The following ATP2C2 variants were observed in gnomAD, a reference collection of about 807,000 sequenced individuals.
ATP2C2 encodes ATPase secretory pathway Ca2+ transporting 2.
Under a neutral mutation model 110.8 loss-of-function variants are expected in ATP2C2, and 171 were observed. The ratio of observed to expected loss-of-function variants is 1.54; its 90% CI spans 1.36 to 1.75. The LOEUF is 1.75. Ranked by LOEUF, ATP2C2 falls within the 40% of genes most tolerant of loss-of-function variation. The pLI, the probability that ATP2C2 is intolerant of heterozygous loss-of-function variation, is 0.00. For missense variants in ATP2C2, 1,963 were observed against 1,235.0 expected, an observed-to-expected ratio of 1.59 and a Z score of -8.84; for synonymous variants, 804 against 508.4, an observed-to-expected ratio of 1.58 and a Z score of -7.82.
chr16:84,439,200 A>G lies in ATP2C2; in HGVS notation c.1021A>G (p.Ile341Val), dbSNP rs986836539. 5 of 1,612,130 alleles carry G rather than the reference A, an allele frequency of 3.1e-6. No homozygotes were observed. Among genetic ancestry groups the G allele is most frequent in the African/African-American group, 2.7e-5 (2 of 74,848 alleles). ...AVAAIPEGLP[I>V]VVMVTLVLGV... ...GGCGGCCATTCCAGAGGGTCTGCCC[A>G]TCGTCGTCATGGTGACGCTGGTCCT... Residue 341 changes from isoleucine (I) to valine (V), a missense_variant, in exon 12 of 27, where the codon ATC becomes GTC. Ile to Val is a conservative substitution (Grantham distance 29). Transcript: ENST00000262429.
intron 18 of ATP2C2, 138 bp downstream of exon 18, chr16:84,452,229 G>A (rs1028365088): frequency 8.1e-5 from 86 of 1,062,592 alleles, no homozygotes; most frequent in Non-Finnish European, 1.1e-4. Context: ...AAAAGACGCT[G>A]AGTATTCGTG....
intron 6 of ATP2C2, among the ~76,000 whole-genome samples, chr16:84,412,429 CGT>C (rs796263671): frequency 3.1e-5 from 4 of 128,082 alleles, no homozygotes; most frequent in African/African-American, 8.7e-5. Context: ...TATGTGTGTG[CGT>C]GTGTGTATGC....
At chr16:84,458,840 C>G (rs1299754935) in intron 21 of ATP2C2, among the ~76,000 whole-genome samples, 1 of 152,152 alleles carries the variant, frequency 6.6e-6, no homozygotes, top group Admixed American at 6.6e-5. Context: ...TGGGCTCGGC[C>G]GGAGAGTAAT....
In ATP2C2 at chr16:84,439,423, C is replaced by A. The variant is rs564070721; in HGVS notation, c.1112-4C>A. ...CTTCTATAAACTGGTGTTTGTTGTA[C>A]CAGGTTGCTGCAGCGTTCTCTGTTC... On this transcript the variant is annotated splice_region_variant and splice_polypyrimidine_tract_variant and intron_variant, in intron 12 of 26. Coordinates refer to ENST00000262429, the MANE Select transcript of ATP2C2 (RefSeq NM_014861.4). The A allele has an allele frequency of 6.2e-7, 1 of 1,614,000 alleles. No individual in the cohort carries two copies. Among genetic ancestry groups the A allele is most frequent in the South Asian group, 1.1e-5 (1 of 91,080 alleles).
intron 6 of ATP2C2, 67 bp downstream of exon 6, chr16:84,410,832 A>C (rs901198623): frequency 1.0e-5 from 15 of 1,487,318 alleles, no homozygotes; most frequent in African/African-American, 2.8e-5. Flanking sequence ...GAGTTTGGCA[A>C]ATGTTTGCTG....
At chr16:84,434,983 A>G (rs1203148357) in intron 11 of ATP2C2, among the ~76,000 whole-genome samples, 1 of 152,206 alleles carries the variant, frequency 6.6e-6, no homozygotes, top group Non-Finnish European at 1.5e-5. Flanking sequence ...AAACCAACGA[A>G]GCCTTCTGGC....
chr16:84,421,523 A>G (rs1408146415), intron 7 of ATP2C2, among the ~76,000 whole-genome samples: 2 of 152,120 alleles, frequency 1.3e-5, no homozygotes, highest in African/African-American at 2.4e-5. Context: ...GCTTGGTGTT[A>G]CATGCTTACA....
chr16:84,437,650 G>T (rs1199904345), intron 11 of ATP2C2, among the ~76,000 whole-genome samples: 1 of 152,120 alleles, frequency 6.6e-6, no homozygotes, highest in Non-Finnish European at 1.5e-5. Flanking sequence ...TGAGTACCTG[G>T]GATTACAGGT....
In ATP2C2 at chr16:84,439,497, T is replaced by G; in HGVS notation, c.1182T>G (p.Leu394=). The change falls in exon 13 of 27, where the codon CTT becomes CTG. Residue 394 remains leucine, a synonymous_variant. Coordinates refer to ENST00000262429, the MANE Select transcript of ATP2C2 (RefSeq NM_014861.4). ...CCAATGAAATGACAGTGACCCAGCT[T>G]GTAACGTCAGATGGGCTTCGTGCCG... is the stretch of plus-strand genomic sequence containing the variant. The part of the protein sequence containing the change: ...LTANEMTVTQ[L]VTSDGLRAEV... 1.2e-5 allele frequency: 20 copies of G among 1,614,190 alleles called. No individual in the cohort carries two copies. Among genetic ancestry groups the G allele is most frequent in the Non-Finnish European group, 1.7e-5 (20 of 1,180,030 alleles).
chr16:84,463,692 G>A lies in ATP2C2; in HGVS notation c.2801G>A (p.Cys934Tyr), dbSNP rs1319964539. The stretch of plus-strand genomic sequence containing the variant: ...CTCAAACTATGTGAAAAATACTGTT[G>A]CAGCCCCAAGAGAGTCCAGATGCAC... ...ELLKLCEKYC[C>Y]SPKRVQMHPE... The change falls in exon 27 of 27, where the codon TGC becomes TAC. Residue 934 changes from cysteine (C) to tyrosine (Y), a missense_variant. Cys to Tyr is a radical substitution (Grantham distance 194, BLOSUM62 -2). Coordinates refer to ENST00000262429, the MANE Select transcript of ATP2C2 (RefSeq NM_014861.4). 1.2e-6 allele frequency: 2 copies of A among 1,614,184 alleles called. No individual in the cohort carries two copies. Among genetic ancestry groups the A allele is most frequent in the Non-Finnish European group, 1.7e-6 (2 of 1,180,010 alleles).
intron 6 of ATP2C2, among the ~76,000 whole-genome samples, chr16:84,412,044 C>T (rs1374268329): frequency 2.0e-5 from 3 of 149,010 alleles, no homozygotes; most frequent in African/African-American, 5.0e-5. Flanking sequence ...GGGTCTGGCT[C>T]TGTTGCCTAG....
At position 84,463,706 on chromosome 16, in the gene ATP2C2, G is replaced by A. The variant is rs750254622; in HGVS notation, c.2815G>A (p.Val939Ile). The change falls in exon 27 of 27, where the codon GTC becomes ATC. Residue 939 changes from valine (V) to isoleucine (I), a missense_variant. Val to Ile is a conservative substitution (Grantham distance 29). Coordinates refer to ENST00000262429, the MANE Select transcript of ATP2C2 (RefSeq NM_014861.4). ...CEKYCCSPKRVQMHPEDV is the reference protein window; with the variant it reads ...CEKYCCSPKRIQMHPEDV ...AAAATACTGTTGCAGCCCCAAGAGA[G>A]TCCAGATGCACCCTGAAGATGTGTA... The A allele has an allele frequency of 9.9e-6, 16 of 1,613,912 alleles. No homozygotes were observed. In the South Asian group the frequency reaches 1.6e-4, roughly 17 times the overall value.
chr16:84,435,373 G>C (rs1908645533), intron 11 of ATP2C2, among the ~76,000 whole-genome samples: 1 of 152,192 alleles, frequency 6.6e-6, no homozygotes, highest in Non-Finnish European at 1.5e-5. Context: ...TGTGATCCTG[G>C]TTGAATGGAT....
chr16:84,406,799 T>C (rs1905811394), intron 3 of ATP2C2: 2 of 288,524 alleles, frequency 6.9e-6, no homozygotes. Flanking sequence ...GGAGATCTCT[T>C]TGCTCTGCCC....
chr16:84,426,287 G>A (rs754029932), intron 11 of ATP2C2, among the ~76,000 whole-genome samples: 4 of 152,004 alleles, frequency 2.6e-5, no homozygotes, highest in African/African-American at 7.3e-5. Context: ...AGATCTCTCA[G>A]GAACTCACTC....
chr16:84,414,645 G>T (rs1906675950), intron 6 of ATP2C2, among the ~76,000 whole-genome samples: 1 of 152,150 alleles, frequency 6.6e-6, no homozygotes. Context: ...TGTGGGGAGA[G>T]GGTGGATACC....
chr16:84,387,453 A>G (rs1274991464), intron 1 of ATP2C2, among the ~76,000 whole-genome samples: 1 of 152,154 alleles, frequency 6.6e-6, no homozygotes. Context: ...CGGAGGTTGC[A>G]GTGAGCCGAG....
rs368305949 is a variant in ATP2C2 at position 84,388,403 on chromosome 16, G to C, written c.100-10096G>C. Among the ~76,000 whole-genome samples, 164 of 152,322 alleles carry C rather than the reference G, an allele frequency of 1.1e-3. 1 individual carries two copies. Among genetic ancestry groups the C allele is most frequent in the African/African-American group, 3.8e-3 (158 of 41,568 alleles). ...CCTCTACAGAACTTGCTGGAACACA[G>C]ACTGTCTGCCCACCCCTAGGGCTTC... On this transcript the variant is annotated intron_variant, in intron 1 of 26. Transcript: ENST00000262429.
chr16:84,444,416 TGAGCC>T (rs200553508), intron 15 of ATP2C2, among the ~76,000 whole-genome samples: 7,427 of 152,174 alleles, frequency 0.049, 216 homozygotes, highest in Admixed American at 0.076. Flanking sequence ...GAGGTTACAG[TGAGCC>T]GAGATCGTAC....
Sources: gnomAD v4.1 joint callset for allele counts (sites outside exome capture counted in the v4.1 genomes callset) on GRCh38, gnomAD v4.1.1 for gene constraint, MANE v1.5 for transcripts, NCBI Gene and HGNC (gene_info 2026-07-23, HGNC 2026-07-21) for gene names.